Variants in CACNA2D3 observed in about 807,000 individuals in gnomAD.
The protein encoded by CACNA2D3 is calcium voltage-gated channel auxiliary subunit alpha2delta 3.
A neutral mutation model predicts 160.6 loss-of-function variants in CACNA2D3; 60 were observed. The ratio of observed to expected loss-of-function variants is 0.37; its 90% CI spans 0.30 to 0.46. The LOEUF is 0.46. CACNA2D3 is among the 20% of genes least tolerant of loss of function. The pLI is 1.00. For synonymous variants in CACNA2D3, 558 were observed against 492.9 expected, an observed-to-expected ratio of 1.13 and a Z score of -1.75; for missense variants, 1,205 against 1,365.0, an observed-to-expected ratio of 0.88 and a Z score of 1.85.
chr3:54,439,781 T>A (rs2106791553), intron 4 of CACNA2D3, among the ~76,000 whole-genome samples: 1 of 152,120 alleles, frequency 6.6e-6, no homozygotes, highest in East Asian at 1.9e-4. Context: ...GGAGACTGAG[T>A]CCTCCTCACA....
At chr3:54,737,992 C>T (rs1040438148) in intron 11 of CACNA2D3, among the ~76,000 whole-genome samples, 4 of 152,158 alleles carry the variant, frequency 2.6e-5, no homozygotes, top group African/African-American at 9.7e-5. Context: ...ATTCCTGTTA[C>T]AACAAGCTCT....
chr3:54,580,068 A>G (rs1197954381), intron 8 of CACNA2D3, among the ~76,000 whole-genome samples: 1 of 152,000 alleles, frequency 6.6e-6, no homozygotes, highest in African/African-American at 2.4e-5. Context: ...AGACTGCCTG[A>G]ATTTGAATCT....
chr3:55,037,050 G>C (rs1473053555), intron 35 of CACNA2D3, among the ~76,000 whole-genome samples: 1 of 151,960 alleles, frequency 6.6e-6, no homozygotes, highest in Non-Finnish European at 1.5e-5. Flanking sequence ...GAAAACCTCT[G>C]CAGGATCTCC....
chr3:54,727,218 C>T (rs1274081604), intron 11 of CACNA2D3, among the ~76,000 whole-genome samples: 4 of 152,168 alleles, frequency 2.6e-5, no homozygotes, highest in Non-Finnish European at 5.9e-5. Flanking sequence ...TACCATCTCA[C>T]ACCAGTTAGA....
chr3:54,569,268 T>C lies in CACNA2D3; in HGVS notation c.677-527T>C, dbSNP rs1308398784. On this transcript the variant is annotated intron_variant, in intron 6 of 37. Transcript: ENST00000474759. ...TGAGAGCCATTTTATTTCATTTCAA[T>C]GTGGAAAGCCAGGCCAAAATTTCTG... Among the ~76,000 whole-genome samples, 4 of 152,336 alleles carry C rather than the reference T, an allele frequency of 2.6e-5. No individual in the cohort carries two copies. In the East Asian group the frequency reaches 7.7e-4, roughly 29 times the overall value.
intron 7 of CACNA2D3, 39 bp downstream of exon 7, chr3:54,569,894 GAT>G: frequency 6.2e-7 from 1 of 1,612,358 alleles, no homozygotes; most frequent in Non-Finnish European, 8.5e-7. Context: ...TTCTCAAAGA[GAT>G]ATCTTGAAGA....
intron 11 of CACNA2D3, among the ~76,000 whole-genome samples, chr3:54,743,656 G>T (rs1701694740): frequency 6.6e-6 from 1 of 152,174 alleles, no homozygotes; most frequent in African/African-American, 2.4e-5. Context: ...TTAATTTGAT[G>T]GCCTTACACA....
At chr3:55,049,581 T>G (rs1052836876) in intron 35 of CACNA2D3, among the ~76,000 whole-genome samples, 1 of 147,290 alleles carries the variant, frequency 6.8e-6, no homozygotes, top group African/African-American at 2.6e-5. Context: ...TATATTCTGT[T>G]GATTTGGGGT....
At chr3:55,029,236 CT>C (rs1703631929) in intron 35 of CACNA2D3, among the ~76,000 whole-genome samples, 1 of 152,166 alleles carries the variant, frequency 6.6e-6, no homozygotes, top group Non-Finnish European at 1.5e-5. Context: ...TGGGACTGAA[CT>C]ATGGTCTGGG....
intron 2 of CACNA2D3, among the ~76,000 whole-genome samples, chr3:54,244,257 G>GA (rs1702028324): frequency 6.6e-6 from 1 of 152,168 alleles, no homozygotes; most frequent in Non-Finnish European, 1.5e-5. Context: ...GAAGCGCCCC[G>GA]AATCTGTGGC....
chr3:54,160,355 C>T (rs1049493716), intron 2 of CACNA2D3, among the ~76,000 whole-genome samples: 16 of 152,138 alleles, frequency 1.1e-4, no homozygotes, highest in Non-Finnish European at 1.9e-4. Flanking sequence ...AAAAATTTAG[C>T]TGGGTGTGGT....
intron 3 of CACNA2D3, among the ~76,000 whole-genome samples, chr3:54,346,091 T>A (rs910083742): frequency 6.6e-6 from 1 of 152,170 alleles, no homozygotes; most frequent in Non-Finnish European, 1.5e-5. Context: ...AACCATATCC[T>A]GGCTCAAGAT....
chr3:54,156,159 G>A (rs542140603), intron 2 of CACNA2D3, among the ~76,000 whole-genome samples: 23 of 152,292 alleles, frequency 1.5e-4, no homozygotes, highest in Admixed American at 1.5e-3. Context: ...TGATCTGGGT[G>A]CAAATAGCTT....
At chr3:54,345,857 AT>A (rs1698448912) in intron 3 of CACNA2D3, among the ~76,000 whole-genome samples, 1 of 150,636 alleles carries the variant, frequency 6.6e-6, no homozygotes, top group Non-Finnish European at 1.5e-5. Flanking sequence ...AAAAAATTGC[AT>A]GTGTAGAATC....
At chr3:54,655,836 T>C (rs1295414360) in intron 11 of CACNA2D3, among the ~76,000 whole-genome samples, 1 of 152,244 alleles carries the variant, frequency 6.6e-6, no homozygotes, top group African/African-American at 2.4e-5. Context: ...GTCACTTTTA[T>C]ATTATTTGTC....
At chr3:54,644,976 C>G (rs56011701) in intron 11 of CACNA2D3, among the ~76,000 whole-genome samples, 7,534 of 152,296 alleles carry the variant, frequency 0.049, 233 homozygotes, top group African/African-American at 0.074. Flanking sequence ...GGTTCATATT[C>G]TGTCTTAAAA....
At chr3:54,488,212 A>C (rs144116563) in intron 4 of CACNA2D3, among the ~76,000 whole-genome samples, 2 of 151,940 alleles carry the variant, frequency 1.3e-5, no homozygotes, top group African/African-American at 2.4e-5. Context: ...TACCAATGGG[A>C]TGGGTTGCTT....
At chr3:54,164,870 C>T (rs1473651043) in intron 2 of CACNA2D3, among the ~76,000 whole-genome samples, 11 of 152,208 alleles carry the variant, frequency 7.2e-5, no homozygotes, top group Middle Eastern at 3.2e-3. Flanking sequence ...GTTTCCCTTT[C>T]GTGATTCAGA....
chr3:55,024,444 G>A (rs972544520), intron 35 of CACNA2D3, among the ~76,000 whole-genome samples: 2 of 152,078 alleles, frequency 1.3e-5, no homozygotes, highest in Non-Finnish European at 1.5e-5. Flanking sequence ...ATAGTATTAA[G>A]AAGAGAGGCC....
Sources: gnomAD v4.1 joint callset for allele counts (sites outside exome capture counted in the v4.1 genomes callset) on GRCh38, gnomAD v4.1.1 for gene constraint, MANE v1.5 for transcripts, NCBI Gene and HGNC (gene_info 2026-07-23, HGNC 2026-07-21) for gene names.